Variants in ANK2 observed in about 807,000 individuals in gnomAD.
ANK2 encodes the protein ankyrin-2.
A neutral mutation model predicts 360.5 loss-of-function variants in ANK2; 83 were observed. The ratio of observed to expected loss-of-function variants is 0.23; its 90% CI spans 0.19 to 0.28. ANK2 has a LOEUF of 0.28. Among genes scored for constraint, ANK2 ranks in the 10% least tolerant of loss-of-function variants. The pLI, the probability that ANK2 is intolerant of heterozygous loss-of-function variation, is 1.00. For missense variants in ANK2, 4,201 were observed against 4,795.7 expected, an observed-to-expected ratio of 0.88 and a Z score of 3.66; for synonymous variants, 1,740 against 1,759.5, an observed-to-expected ratio of 0.99 and a Z score of 0.28.
rs368002728 is a variant in ANK2 at position 113,356,783 on chromosome 4, T to C, written c.8165T>C (p.Met2722Thr). The C allele has an allele frequency of 6.2e-7, 1 of 1,614,060 alleles. No homozygotes were observed. The highest frequency in any genetic ancestry group is 8.5e-7 in the Non-Finnish European group (1 of 1,179,984). Residue 2722 changes from methionine to threonine, a missense_variant, in exon 38 of 46, where the codon ATG becomes ACG. Met to Thr is a moderately conservative substitution (Grantham distance 81). Around this residue, in one of 4 missense-constraint regions of ANK2, gnomAD observed 2,642 missense variants for 2,714.5 expected, o/e 0.97. Coordinates refer to ENST00000357077, the MANE Select transcript of ANK2 (RefSeq NM_001148.6). ...GTTTCCAAACAATATACTTTCAAGA[T>C]GAATGAAGATACTCAGGAAGAGCCA... ...PVVSKQYTFK[M>T]NEDTQEEPGK...
intron 1 of ANK2, among the ~76,000 whole-genome samples, chr4:113,067,086 T>C (rs1286905476): frequency 6.6e-6 from 1 of 152,058 alleles, no homozygotes; most frequent in Non-Finnish European, 1.5e-5. Context: ...CTTTATGCTA[T>C]GTAGCCAGAG....
intron 2 of ANK2, among the ~76,000 whole-genome samples, chr4:112,988,833 T>C (rs1469546232): frequency 2.6e-5 from 4 of 152,226 alleles, no homozygotes; most frequent in Non-Finnish European, 5.9e-5. Flanking sequence ...TTAGAGTCTT[T>C]ATTCTACTCA....
At chr4:112,838,783 A>C (rs931465296) in intron 1 of ANK2, among the ~76,000 whole-genome samples, 2 of 152,124 alleles carry the variant, frequency 1.3e-5, no homozygotes, top group African/African-American at 4.8e-5. Flanking sequence ...GCAGGAGAAT[A>C]GCTTGAACCT....
chr4:112,983,382 A>AG (rs983689066), intron 2 of ANK2, among the ~76,000 whole-genome samples: 3 of 151,622 alleles, frequency 2.0e-5, no homozygotes, highest in Admixed American at 6.6e-5. Context: ...TTGGGTTAAA[A>AG]AAAAAAAAAA....
chr4:112,759,329 G>T, the ANK2 span, among the ~76,000 whole-genome samples: 1 of 152,024 alleles, frequency 6.6e-6, no homozygotes, highest in Non-Finnish European at 1.5e-5. Context: ...ATTTTTTGTA[G>T]AGAGAAGGTG....
intron 2 of ANK2, among the ~76,000 whole-genome samples, chr4:113,001,375 T>C (rs959928158): frequency 5.4e-5 from 8 of 148,532 alleles, no homozygotes; most frequent in Admixed American, 1.3e-4. Context: ...GCTTGACAAT[T>C]AATAAAAATA....
At chr4:113,161,092 A>G (rs1003585973) in intron 1 of ANK2, among the ~76,000 whole-genome samples, 3 of 152,220 alleles carry the variant, frequency 2.0e-5, no homozygotes, top group African/African-American at 7.2e-5. Flanking sequence ...GTTTAGTTCC[A>G]TGAGATGAAT....
At chr4:112,927,228 C>T (rs527498212) in intron 2 of ANK2, among the ~76,000 whole-genome samples, 3 of 152,254 alleles carry the variant, frequency 2.0e-5, no homozygotes, top group Non-Finnish European at 4.4e-5. Context: ...ATCAGATTCA[C>T]CTTTGAACCA....
At chr4:113,169,357 TC>T (rs1483800790) in intron 1 of ANK2, among the ~76,000 whole-genome samples, 1 of 152,226 alleles carries the variant, frequency 6.6e-6, no homozygotes, top group African/African-American at 2.4e-5. Context: ...TCCCTTATTT[TC>T]CTGGTATTCT....
At chr4:113,335,048 C>G (rs949210229) in intron 29 of ANK2, among the ~76,000 whole-genome samples, 3 of 152,040 alleles carry the variant, frequency 2.0e-5, no homozygotes, top group African/African-American at 7.2e-5. Flanking sequence ...TAAATGATTT[C>G]TAAAAATGAA....
chr4:113,266,084 T>C (rs1468335060), intron 14 of ANK2, among the ~76,000 whole-genome samples: 1 of 152,218 alleles, frequency 6.6e-6, no homozygotes, highest in African/African-American at 2.4e-5. Context: ...ATTATGTATT[T>C]CTCCTAATGC....
chr4:112,964,427 A>G (rs1366198377), intron 2 of ANK2, among the ~76,000 whole-genome samples: 1 of 151,888 alleles, frequency 6.6e-6, no homozygotes, highest in Non-Finnish European at 1.5e-5. Context: ...GAGCACCTGA[A>G]AAGTTTGTCT....
intron 2 of ANK2, among the ~76,000 whole-genome samples, chr4:112,909,989 ATT>A (rs2150995284): frequency 6.6e-6 from 1 of 152,342 alleles, no homozygotes; most frequent in Admixed American, 6.5e-5. Context: ...CAACAGTAAA[ATT>A]TGTGTTAATT....
At chr4:113,169,151 C>T (rs965632255) in intron 1 of ANK2, among the ~76,000 whole-genome samples, 6 of 152,130 alleles carry the variant, frequency 3.9e-5, no homozygotes, top group Non-Finnish European at 8.8e-5. Flanking sequence ...AGTAAGTGTC[C>T]TCTGTGCCTG....
chr4:113,235,768 G>A (rs1483888891), intron 5 of ANK2, among the ~76,000 whole-genome samples: 5 of 145,596 alleles, frequency 3.4e-5, no homozygotes, highest in African/African-American at 1.3e-4. Context: ...TTGAGATGGA[G>A]TCTTGTGCTG....
At chr4:113,359,348 G>A in intron 38 of ANK2, 49 bp downstream of exon 38, 1 of 1,606,384 alleles carries the variant, frequency 6.2e-7, no homozygotes, top group Non-Finnish European at 8.5e-7. Context: ...TCATAAAATT[G>A]ATATAGTTTT....
intron 22 of ANK2, among the ~76,000 whole-genome samples, chr4:113,293,774 A>T (rs934614952): frequency 2.0e-5 from 3 of 152,226 alleles, no homozygotes; most frequent in Non-Finnish European, 4.4e-5. Context: ...GTGTGAATAT[A>T]GTTTTATAAT....
At chr4:112,816,438 A>G (rs1048422956), upstream of ANK2, among the ~76,000 whole-genome samples, 1 of 152,092 alleles carries the variant, frequency 6.6e-6, no homozygotes, top group Non-Finnish European at 1.5e-5. Flanking sequence ...TAAATATTAT[A>G]TATTAAATGA....
chr4:113,052,297 C>T (rs896741612), intron 1 of ANK2, among the ~76,000 whole-genome samples: 2 of 152,100 alleles, frequency 1.3e-5, no homozygotes, highest in African/African-American at 2.4e-5. Flanking sequence ...CACTTCAATT[C>T]GGTTGTTTGT....
Sources: gnomAD v4.1 joint callset for allele counts (sites outside exome capture counted in the v4.1 genomes callset) on GRCh38, gnomAD v4.1.1 for gene constraint, gnomAD v4.1.1 regional missense constraint, MANE v1.5 for transcripts, NCBI Gene and HGNC (gene_info 2026-07-23, HGNC 2026-07-21) for gene names.